The following C9orf72 variants were observed in gnomAD, a reference collection of about 807,000 sequenced individuals.
C9orf72 encodes the protein C9orf72-SMCR8 complex subunit, also known as guanine nucleotide exchange factor C9orf72.
Under a neutral mutation model 51.6 loss-of-function variants are expected in C9orf72, and 44 were observed. The observed-to-expected ratio is 0.85, with a 90% confidence interval of 0.67 to 1.10. The LOEUF (loss-of-function observed/expected upper bound fraction) is 1.10, where lower values mean the gene tolerates loss of function less well. C9orf72 is among the 50% of genes least tolerant of loss of function. The probability of loss-of-function intolerance (pLI) is 0.00; values close to 1 mark genes in which losing one functional copy is unlikely to be tolerated. For synonymous variants in C9orf72, 213 were observed against 194.2 expected (o/e 1.10, Z -0.81); for missense variants, 607 against 570.6 (o/e 1.06, Z -0.65).
intron 5 of C9orf72, chr9:27,561,358 T>C: frequency 7.8e-7 from 1 of 1,274,574 alleles, no homozygotes; most frequent in South Asian, 2.0e-5. Context: ...ATTTCTTGTC[T>C]GGGATGGAAA....
chr9:27,566,505 A>T (rs759941155), intron 2 of C9orf72, among the ~76,000 whole-genome samples, 172 bp downstream of exon 2: 37 of 152,200 alleles, frequency 2.4e-4, no homozygotes, highest in Non-Finnish European at 4.9e-4. Flanking sequence ...TAATATGAAG[A>T]TGACAGGTAT....
chr9:27,552,915 G>T (rs1248019755), intron 8 of C9orf72, among the ~76,000 whole-genome samples: 1 of 152,038 alleles, frequency 6.6e-6, no homozygotes, highest in Non-Finnish European at 1.5e-5. Context: ...CAAGGATATT[G>T]GCCTGAAGTT....
At chr9:27,560,803 C>A (rs946881734) in intron 5 of C9orf72, 3 of 954,400 alleles carry the variant, frequency 3.1e-6, no homozygotes, top group Non-Finnish European at 3.7e-6. Flanking sequence ...TTTTACTTCT[C>A]TTTTATTAAA....
chr9:27,566,722 A>G lies in C9orf72; in HGVS notation c.399T>C (p.Asp133=), dbSNP rs1318743024. 2 of 1,613,300 alleles carry G rather than the reference A, an allele frequency of 1.2e-6. No homozygotes were observed. The highest frequency in any genetic ancestry group is 1.7e-6 in the Non-Finnish European group (2 of 1,179,536). Reference sequence around the variant, plus strand: ...CTTTCCGGATTATATGTGTTAATCTATCAACACACACTCTATGAAGTGGGA... The same window carrying G: ...CTTTCCGGATTATATGTGTTAATCTGTCAACACACACTCTATGAAGTGGGA... The part of the protein sequence containing the change: ...FYLPLHRVCV[D]RLTHIIRKGR... Residue 133 remains aspartate, a synonymous_variant, in exon 2 of 11, where the codon GAT becomes GAC. Transcript: ENST00000380003.
intron 1 of C9orf72, among the ~76,000 whole-genome samples, chr9:27,570,395 T>C (rs1344404452): frequency 6.6e-6 from 1 of 152,192 alleles, no homozygotes; most frequent in Non-Finnish European, 1.5e-5. Context: ...AGGTGGATAA[T>C]CATAAAGGCA....
intron 1 of C9orf72, among the ~76,000 whole-genome samples, chr9:27,569,895 A>G (rs1192658362): frequency 6.6e-6 from 1 of 152,258 alleles, no homozygotes; most frequent in Non-Finnish European, 1.5e-5. Context: ...TTTTACTTAA[A>G]GAATTTCATC....
intron 8 of C9orf72, among the ~76,000 whole-genome samples, chr9:27,551,207 T>C (rs1820899958): frequency 6.6e-6 from 1 of 152,228 alleles, no homozygotes; most frequent in Admixed American, 6.5e-5. Context: ...GATTATCCAC[T>C]GGGTTTGCCT....
At chr9:27,559,084 A>C (rs1819277783) in intron 6 of C9orf72, 1 of 152,692 alleles carries the variant, frequency 6.5e-6, no homozygotes, top group African/African-American at 2.4e-5. Context: ...ATAATATTTG[A>C]CCTACAGCTC....
chr9:27,556,709 C>G lies in C9orf72; in HGVS notation c.943G>C (p.Val315Leu), dbSNP rs1248125966. 6 of 1,613,946 alleles carry G rather than the reference C, an allele frequency of 3.7e-6. No homozygotes were observed. Reference sequence around the variant, plus strand: ...TCATGACAGGGTGGCATCTGCTTCACAGTATTGACATCCACATCTATGTGT... The same window carrying G: ...TCATGACAGGGTGGCATCTGCTTCAGAGTATTGACATCCACATCTATGTGT... ...TTHIDVDVNT[V>L]KQMPPCHEHI... is the part of the protein sequence containing the mutation. Residue 315 changes from valine (V) to leucine (L), a missense_variant, in exon 8 of 11, where the codon GTG becomes CTG. Coordinates refer to ENST00000380003, the MANE Select transcript of C9orf72 (RefSeq NM_018325.5).
rs1308934976 is a variant in C9orf72, at chr9:27,562,459, T to C, written c.522A>G (p.Pro174=). The stretch of plus-strand genomic sequence containing the variant: ...CAGGAATCACTTCTCCAGTAAGCAT[T>C]GGAATAATACTCTGACCCTGCACAA... ...RMEDQGQSII[P]MLTGEVIPVM... Residue 174 remains proline (P), a synonymous_variant, in exon 4 of 11, where the codon CCA becomes CCG. Transcript: ENST00000380003. The C allele has an allele frequency of 1.9e-5, 30 of 1,585,262 alleles. No homozygotes were observed. The highest frequency in any genetic ancestry group is 2.4e-5 in the Non-Finnish European group (28 of 1,162,458).
chr9:27,567,957 A>G (rs1280112308), intron 1 of C9orf72, among the ~76,000 whole-genome samples: 1 of 152,272 alleles, frequency 6.6e-6, no homozygotes, highest in East Asian at 1.9e-4. Flanking sequence ...TCGGACTTCT[A>G]GCTTCTAGAA....
In C9orf72 at chr9:27,556,580, C is replaced by T. The variant is rs774440971; in HGVS notation, c.1072G>A (p.Glu358Lys). The change falls in exon 8 of 11, where the codon GAA (glutamate) becomes AAA (lysine). Residue 358 changes from glutamate (E) to lysine (K), a missense_variant. Coordinates refer to ENST00000380003, the MANE Select transcript of C9orf72 (RefSeq NM_018325.5). ...ACGTACAAATCAGGAGTAAAGCTTT[C>T]GTCAGTGTAGATGATCGTATCCTGA... ...MAQDTIIYTD[E>K]SFTPDLNIFQ... 10 of 1,612,422 alleles carry T rather than the reference C, an allele frequency of 6.2e-6. No homozygotes were observed. The East Asian group carries it at 6.7e-5, about 11-fold the overall frequency.
chr9:27,573,114 C>G (rs1819625196), intron 1 of C9orf72, among the ~76,000 whole-genome samples: 1 of 152,152 alleles, frequency 6.6e-6, no homozygotes, highest in African/African-American at 2.4e-5. Flanking sequence ...GAGCCCGCAG[C>G]GGCAGCGCTC....
chr9:27,565,733 G>T, intron 2 of C9orf72, 143 bp from the exon 3 acceptor site: 1 of 585,550 alleles, frequency 1.7e-6, no homozygotes, highest in Non-Finnish European at 3.0e-6. Flanking sequence ...GGCAGGGGTA[G>T]GAAATTAACC....
At position 27,546,969 on chromosome 9, in the gene C9orf72, T is replaced by A. The variant is rs1324297077; in HGVS notation, c.*1267A>T. 1 of 152,364 alleles carries A rather than the reference T, an allele frequency of 6.6e-6. No homozygotes were observed. Among genetic ancestry groups the A allele is most frequent in the African/African-American group, 2.4e-5 (1 of 41,460 alleles). The allele number at this position is 152,364 out of a possible 1,614,324, so 9.4% of individuals were successfully genotyped here. A position where few individuals can be genotyped will look rare whatever the true frequency, so the allele number is the denominator to read the frequency against. ...TTTCTTATAAATATATTTTCCCTTT[T>A]ATATTACTTCCAGAATTTTAAATAA... On this transcript the variant is annotated 3_prime_UTR_variant, in exon 11 of 11. Transcript: ENST00000380003.
At chr9:27,556,261 C>G (rs528678205) in intron 8 of C9orf72, among the ~76,000 whole-genome samples, 19 of 152,056 alleles carry the variant, frequency 1.2e-4, no homozygotes, top group Admixed American at 5.9e-4. Context: ...CTGGGGCTGT[C>G]TGGTTGGCCA....
chr9:27,569,424 C>T (rs1448926944), intron 1 of C9orf72, among the ~76,000 whole-genome samples: 1 of 152,126 alleles, frequency 6.6e-6, no homozygotes, highest in African/African-American at 2.4e-5. Context: ...ACAGGTATAC[C>T]ATTATCTTTT....
Position 27,563,263 on chromosome 9 carries a change from C to G in C9orf72, c.505-787G>C, listed in dbSNP as rs545442286. On this transcript the variant is annotated intron_variant, in intron 3 of 10. Coordinates refer to ENST00000380003, the MANE Select transcript of C9orf72 (RefSeq NM_018325.5). ...TTAGAGCTATTTCAAGATATTACTACTTATTACATCTTGAAATTGTAATTT... is the reference window on the plus strand; with the variant it reads ...TTAGAGCTATTTCAAGATATTACTAGTTATTACATCTTGAAATTGTAATTT... 9.9e-5 allele frequency among the ~76,000 whole-genome samples: 15 copies of G among 152,246 alleles called. No individual in the cohort carries two copies. The South Asian group carries it at 1.7e-3, about 17-fold the overall frequency.
At chr9:27,569,415 C>G (rs945016813) in intron 1 of C9orf72, among the ~76,000 whole-genome samples, 1 of 152,204 alleles carries the variant, frequency 6.6e-6, no homozygotes, top group Non-Finnish European at 1.5e-5. Flanking sequence ...GTGGCCTACA[C>G]AGGTATACCA....
Sources: gnomAD v4.1 joint callset for allele counts (sites outside exome capture counted in the v4.1 genomes callset) on GRCh38, gnomAD v4.1.1 for gene constraint, MANE v1.5 for transcripts, NCBI Gene and HGNC (gene_info 2026-07-23, HGNC 2026-07-21) for gene names.